The following CNN1 variants were observed in gnomAD, a reference collection of about 807,000 sequenced individuals.
CNN1 encodes the protein calponin 1.
A neutral mutation model predicts 35.3 loss-of-function variants in CNN1; 21 were observed. The observed-to-expected ratio is 0.60, with a 90% CI of 0.42 to 0.86. The LOEUF is 0.86. CNN1 is among the 40% of genes least tolerant of loss of function. The probability of loss-of-function intolerance (pLI) is 0.00; values close to 1 mark genes in which losing one functional copy is unlikely to be tolerated. For synonymous variants in CNN1, 164 were observed against 161.8 expected, an observed-to-expected ratio of 1.01 and a Z score of -0.10; for missense variants, 314 against 400.8, an observed-to-expected ratio of 0.78 and a Z score of 1.85.
chr19:11,546,818 C>T lies in CNN1; in HGVS notation c.253-14C>T, dbSNP rs1972597071. ...CCCCTCCCCACCCAGTGACCACCACCTGCCCCCCTCTAGCTGGAGAACATC... is the reference window on the plus strand; with the variant it reads ...CCCCTCCCCACCCAGTGACCACCACTTGCCCCCCTCTAGCTGGAGAACATC... On this transcript the variant is annotated splice_polypyrimidine_tract_variant and intron_variant, in intron 3 of 6. Coordinates refer to ENST00000252456, the MANE Select transcript of CNN1 (RefSeq NM_001299.6). 2 of 1,614,132 alleles carry T rather than the reference C, an allele frequency of 1.2e-6. No homozygotes were observed. The highest frequency in any genetic ancestry group is 1.1e-5 in the South Asian group (1 of 91,092).
At chr19:11,545,476 G>A (rs1972559327) in intron 2 of CNN1, among the ~76,000 whole-genome samples, 1 of 146,380 alleles carries the variant, frequency 6.8e-6, no homozygotes, top group Non-Finnish European at 1.5e-5. Flanking sequence ...AGGGGGCACT[G>A]CTAGGCAGGG....
At chr19:11,543,657 C>T (rs1007745564) in intron 2 of CNN1, among the ~76,000 whole-genome samples, 97 of 151,340 alleles carry the variant, frequency 6.4e-4, no homozygotes, top group African/African-American at 2.3e-3. Flanking sequence ...GTGGCAGGCG[C>T]TTGTAGTCCC....
In CNN1 at chr19:11,549,243, C is replaced by T. The variant is rs1972659180; in HGVS notation, c.502-80C>T. On this transcript the variant is annotated intron_variant, in intron 5 of 6. Transcript: ENST00000252456. The surrounding 1 kb of genome is among the most constrained non-coding windows in gnomAD (Gnocchi z 5.2). ...TGAAAAAAATGATAAAGCGGCGCCT[C>T]ATCCTCTCCCATCAGCTATGCCTCA... 8 of 1,447,504 alleles carry T rather than the reference C, an allele frequency of 5.5e-6. No homozygotes were observed. The highest frequency in any genetic ancestry group is 7.5e-6 in the Non-Finnish European group (8 of 1,065,842). The allele number at this position is 1,447,504 out of a possible 1,614,324, so 89.7% of individuals were successfully genotyped here. A position where few individuals can be genotyped will look rare whatever the true frequency, so the allele number is the denominator to read the frequency against.
intron 1 of CNN1, 65 bp downstream of exon 1, chr19:11,539,055 G>A: frequency 7.1e-7 from 1 of 1,403,756 alleles, no homozygotes; most frequent in East Asian, 2.7e-5. Context: ...CTGAGCTTGG[G>A]GTCCCTTGAA....
chr19:11,540,079 C>G (rs895461615), intron 1 of CNN1: 1 of 1,030,556 alleles, frequency 9.7e-7, no homozygotes, highest in Non-Finnish European at 1.2e-6. Flanking sequence ...AGAGGCAGCC[C>G]GGTCCCCTAG....
At chr19:11,543,792 A>G (rs1355184894) in intron 2 of CNN1, among the ~76,000 whole-genome samples, 3 of 151,110 alleles carry the variant, frequency 2.0e-5, no homozygotes, top group African/African-American at 7.3e-5. Context: ...CAAAAAAAAA[A>G]AAAAAAAAAA....
chr19:11,539,773 G>A (rs1972416601), intron 1 of CNN1: 1 of 1,166,530 alleles, frequency 8.6e-7, no homozygotes, highest in Non-Finnish European at 1.1e-6. Flanking sequence ...GTGGGGGACT[G>A]GGTTGGAACC....
At chr19:11,548,418 G>A (rs888334083) in intron 5 of CNN1, among the ~76,000 whole-genome samples, 1 of 152,180 alleles carries the variant, frequency 6.6e-6, no homozygotes, top group Non-Finnish European at 1.5e-5. Context: ...ATGCAGTGGT[G>A]TCTGCCTGTG....
Position 11,549,799 on chromosome 19 carries a change from C to T in CNN1, c.*4C>T. The stretch of plus-strand genomic sequence containing the variant: ...CAACTACTACAATTCCGCCTAGGGC[C>T]ACAAGGCCTTCCCTGTTTTCCCCCC... On this transcript the variant is annotated 3_prime_UTR_variant, in exon 7 of 7. Coordinates refer to ENST00000252456, the MANE Select transcript of CNN1 (RefSeq NM_001299.6). The surrounding 1 kb of genome is among the most constrained non-coding windows in gnomAD (Gnocchi z 5.2). 1 of 1,595,252 alleles carries T rather than the reference C, an allele frequency of 6.3e-7. No homozygotes were observed. Among genetic ancestry groups the T allele is most frequent in the South Asian group, 1.1e-5 (1 of 89,434 alleles).
In CNN1 at chr19:11,547,886, G is replaced by A. The variant is rs752285151; in HGVS notation, c.480G>A (p.Gly160=). 1 of 1,613,938 alleles carries A rather than the reference G, an allele frequency of 6.2e-7. No homozygotes were observed. Among genetic ancestry groups the A allele is most frequent in the Non-Finnish European group, 8.5e-7 (1 of 1,179,924 alleles). ...RKFEPGKLRE[G]RNIIGLQMGT... is the part of the protein sequence containing the mutation. Reference sequence around the variant, plus strand: ...TCGAGCCGGGGAAGCTAAGAGAAGGGCGGAACATCATTGGGCTGCAGGTAC... The same window carrying A: ...TCGAGCCGGGGAAGCTAAGAGAAGGACGGAACATCATTGGGCTGCAGGTAC... Residue 160 remains glycine (G), a synonymous_variant, in exon 5 of 7, where the codon GGG becomes GGA. Transcript: ENST00000252456.
In CNN1 at chr19:11,546,847, A is replaced by C. The variant is rs1972598085; in HGVS notation, c.268A>C (p.Asn90His). 10 of 1,614,080 alleles carry C rather than the reference A, an allele frequency of 6.2e-6. No individual in the cohort carries two copies. Among genetic ancestry groups the C allele is most frequent in the African/African-American group, 4.0e-5 (3 of 74,936 alleles). ...CCCCCTCTAGCTGGAGAACATCGGC[A>C]ACTTCATCAAGGCCATCACCAAGTA... ...QNWHQLENIG[N>H]FIKAITKYGV... Residue 90 changes from asparagine to histidine, a missense_variant, in exon 4 of 7, where the codon AAC becomes CAC. By Grantham distance (68) the Asn-to-His change is moderately conservative. Transcript: ENST00000252456.
intron 3 of CNN1, 42 bp downstream of exon 3, chr19:11,546,783 C>A (rs773738334): frequency 7.6e-5 from 122 of 1,613,602 alleles, no homozygotes; most frequent in Non-Finnish European, 1.0e-4. Context: ...CCCGCAAGCC[C>A]CTCAGACCTC....
intron 1 of CNN1, 92 bp from the exon 2 acceptor site, chr19:11,540,984 C>T (rs1283370427): frequency 7.3e-7 from 1 of 1,370,548 alleles, no homozygotes; most frequent in Admixed American, 2.7e-5. Context: ...AGATCAGGCT[C>T]TAGGAAGTTC....
intron 2 of CNN1, 87 bp downstream of exon 2, chr19:11,541,284 A>T: frequency 6.9e-7 from 1 of 1,442,174 alleles, no homozygotes; most frequent in Non-Finnish European, 9.2e-7. Flanking sequence ...TGATCCTGGA[A>T]CTGAGTTGAA....
At chr19:11,541,631 C>T (rs1972463927) in intron 2 of CNN1, among the ~76,000 whole-genome samples, 1 of 152,176 alleles carries the variant, frequency 6.6e-6, no homozygotes, top group African/African-American at 2.4e-5. Context: ...TTCTGTTGCC[C>T]AGGCTGCAGT....
Sources: gnomAD v4.1 joint callset for allele counts (sites outside exome capture counted in the v4.1 genomes callset) on GRCh38, gnomAD v4.1.1 for gene constraint, Gnocchi (gnomAD v3.1) non-coding constraint, MANE v1.5 for transcripts, NCBI Gene and HGNC (gene_info 2026-07-23, HGNC 2026-07-21) for gene names.